The following TPM4 variants were observed in gnomAD, a reference collection of about 807,000 sequenced individuals.
TPM4 encodes tropomyosin 4, also known as tropomyosin alpha-4 chain.
A neutral mutation model predicts 35.8 loss-of-function variants in TPM4; 17 were observed. That is an observed-to-expected ratio of 0.47 (90% CI 0.32 to 0.71). The LOEUF (loss-of-function observed/expected upper bound fraction) is 0.71. Among genes scored for constraint, TPM4 ranks in the 30% least tolerant of loss-of-function variants. TPM4 has a pLI of 0.03. For missense variants in TPM4, 240 were observed against 320.9 expected (o/e 0.75, Z 1.93); for synonymous variants, 120 against 122.9 (o/e 0.98, Z 0.15).
intron 2 of TPM4, among the ~76,000 whole-genome samples, chr19:16,084,315 C>T (rs2144935381): frequency 6.6e-6 from 1 of 152,330 alleles, no homozygotes; most frequent in African/African-American, 2.4e-5. Context: ...AATTTCTTCC[C>T]AAGTAGTGGA....
intron 7 of TPM4, among the ~76,000 whole-genome samples, chr19:16,099,070 C>CT (rs2090734296): frequency 9.1e-6 from 1 of 109,748 alleles, no homozygotes. Flanking sequence ...TCACTTGACT[C>CT]TGTGTGTGTG....
intron 7 of TPM4, among the ~76,000 whole-genome samples, chr19:16,094,695 A>G (rs1599382713): frequency 6.6e-6 from 1 of 152,078 alleles, no homozygotes; most frequent in Non-Finnish European, 1.5e-5. Flanking sequence ...CAGAAAGTGT[A>G]GGGACTGCAA....
intron 1 of TPM4, chr19:16,081,180 C>T (rs950247924): frequency 2.5e-6 from 1 of 397,416 alleles, no homozygotes; most frequent in Non-Finnish European, 4.4e-6. Flanking sequence ...AGCCGGGTCA[C>T]TGATGGCCTT....
rs1319431846 is a variant in TPM4, at chr19:16,070,752, G to A, written c.114+3014G>A. Among the ~76,000 whole-genome samples the A allele has an allele frequency of 1.3e-5, 2 of 149,528 alleles. No individual in the cohort carries two copies. Among genetic ancestry groups the A allele is most frequent in the South Asian group, 2.1e-4 (1 of 4,730 alleles). Reference sequence around the variant, plus strand: ...CCTACTTCCCCTTTGGGCCTCCCCAGCCCCCCGTGCCCCAGGGCTGCCCTA... The same window carrying A: ...CCTACTTCCCCTTTGGGCCTCCCCAACCCCCCGTGCCCCAGGGCTGCCCTA... On this transcript the variant is annotated intron_variant, in intron 2 of 2. Transcript: ENST00000589897. This position sits in a 1 kb window ranked among gnomAD's most constrained non-coding sequence, Gnocchi z 7.4.
chr19:16,092,580 G>A (rs1361812469), intron 5 of TPM4, among the ~76,000 whole-genome samples: 2 of 151,134 alleles, frequency 1.3e-5, no homozygotes, highest in African/African-American at 4.9e-5. Context: ...CATCGCCCCA[G>A]GCTGGAGTGC....
chr19:16,072,966 CCT>C (rs778357507), upstream of TPM4, among the ~76,000 whole-genome samples: 48 of 152,204 alleles, frequency 3.2e-4, no homozygotes, highest in South Asian at 6.2e-4. Context: ...CAGATAGCCC[CCT>C]GTCGGCCTTA....
intron 3 of TPM4, among the ~76,000 whole-genome samples, chr19:16,087,617 T>G (rs1249479042): frequency 1.3e-5 from 2 of 151,726 alleles, no homozygotes; most frequent in Non-Finnish European, 2.9e-5. Flanking sequence ...GTGTGGTGGC[T>G]CATGCCTATA....
intron 7 of TPM4, chr19:16,100,148 C>T (rs1349624665): frequency 2.6e-5 from 4 of 152,108 alleles, no homozygotes; most frequent in South Asian, 2.1e-4. Flanking sequence ...CCCCACACCA[C>T]GCATTGATAT....
intron 5 of TPM4, among the ~76,000 whole-genome samples, chr19:16,092,638 C>A (rs1453783098): frequency 6.6e-6 from 1 of 151,852 alleles, no homozygotes; most frequent in Non-Finnish European, 1.5e-5. Flanking sequence ...TGGGTTTAAG[C>A]AATTCTCATG....
At position 16,101,614 on chromosome 19, in the gene TPM4, A is replaced by G. The variant is rs1194913409; in HGVS notation, c.*268A>G. The G allele has an allele frequency of 5.5e-6, 2 of 361,714 alleles. No homozygotes were observed. Among genetic ancestry groups the G allele is most frequent in the African/African-American group, 4.2e-5 (2 of 47,710 alleles). The allele number at this position is 361,714 out of a possible 1,614,324, so 22.4% of individuals were successfully genotyped here. A position where few individuals can be genotyped will look rare whatever the true frequency, so the allele number is the denominator to read the frequency against. On this transcript the variant is annotated 3_prime_UTR_variant, in exon 8 of 8. Transcript: ENST00000643579. ...CATTTATTCCTAAGGTAGGCAGGGT[A>G]TTTCCTAGTAAGCATACTTTCTTAA...
Position 16,101,897 on chromosome 19 carries a change from C to T in TPM4, c.*551C>T, listed in dbSNP as rs1225155271. 7 of 226,246 alleles carry T rather than the reference C, an allele frequency of 3.1e-5. No individual in the cohort carries two copies. The highest frequency in any genetic ancestry group is 1.3e-4 in the African/African-American group (6 of 44,882). 14.0% of individuals were successfully genotyped at this position (226,246 alleles called of 1,614,324 possible). ...CCACAGATAGATCAACCTAAGAATC[C>T]TGGCCCTTCTCCACTCTCCACCATG... On this transcript the variant is annotated 3_prime_UTR_variant, in exon 8 of 8. Transcript: ENST00000643579.
At chr19:16,091,205 C>A (rs1215392224) in intron 5 of TPM4, among the ~76,000 whole-genome samples, 1 of 151,998 alleles carries the variant, frequency 6.6e-6, no homozygotes, top group Non-Finnish European at 1.5e-5. Context: ...GGCGCACACA[C>A]CACGCCCAGC....
rs1304287977 is a variant in TPM4 at position 16,070,492 on chromosome 19, C to G, written c.114+2754C>G. Reference sequence around the variant, plus strand: ...TGCCCAGCCCCACCCAGGCCAGGAGCCAGGCCAGCCCGGCAGCTAAAGGCG... The same window carrying G: ...TGCCCAGCCCCACCCAGGCCAGGAGGCAGGCCAGCCCGGCAGCTAAAGGCG... On this transcript the variant is annotated intron_variant, in intron 2 of 2. Transcript: ENST00000589897. The surrounding 1 kb of genome is among the most constrained non-coding windows in gnomAD (Gnocchi z 7.4). Among the ~76,000 whole-genome samples, 2 of 149,338 alleles carry G rather than the reference C, an allele frequency of 1.3e-5. No homozygotes were observed. The highest frequency in any genetic ancestry group is 3.0e-5 in the Non-Finnish European group (2 of 66,482).
chr19:16,071,969 G>A (rs115460591), upstream of TPM4, among the ~76,000 whole-genome samples: 1,188 of 152,286 alleles, frequency 7.8e-3, 12 homozygotes, highest in African/African-American at 0.026. Context: ...TGACGGGCAC[G>A]CGCCACCAGG....
At chr19:16,099,070 C>CTGTGTGTGTGTGTG in intron 7 of TPM4, among the ~76,000 whole-genome samples, 2 of 109,802 alleles carry the variant, frequency 1.8e-5, no homozygotes, top group African/African-American at 7.6e-5. Context: ...TCACTTGACT[C>CTGTGTGTGTGTGTG]TGTGTGTGTG....
intron 4 of TPM4, chr19:16,088,662 G>A (rs1020334062): frequency 4.4e-5 from 46 of 1,043,336 alleles, no homozygotes; most frequent in Admixed American, 1.5e-4. Context: ...CTTCCTTCCC[G>A]GAGTGTCCCC....
upstream of TPM4, among the ~76,000 whole-genome samples, chr19:16,073,164 C>A (rs150650327): frequency 1.2e-4 from 19 of 152,122 alleles, 1 homozygote; most frequent in African/African-American, 4.6e-4. Context: ...GATAACACAG[C>A]GAGATCCTAT....
intron 2 of TPM4, among the ~76,000 whole-genome samples, chr19:16,083,876 G>T (rs1404250415): frequency 6.7e-6 from 1 of 149,960 alleles, no homozygotes; most frequent in East Asian, 2.0e-4. Context: ...CTCCCGCCAC[G>T]GCCTCCAGAG....
At chr19:16,083,442 T>G (rs149012225) in intron 2 of TPM4, among the ~76,000 whole-genome samples, 48 of 152,196 alleles carry the variant, frequency 3.2e-4, no homozygotes, top group African/African-American at 1.1e-3. Context: ...TGAGACTCTG[T>G]CTCAAAAAGA....
Sources: allele counts gnomAD v4.1 joint callset (sites outside exome capture counted in the v4.1 genomes callset), GRCh38; gene constraint gnomAD v4.1.1; non-coding constraint Gnocchi (gnomAD v3.1); transcripts MANE v1.5; gene names NCBI Gene and HGNC (gene_info 2026-07-23, HGNC 2026-07-21).